The following C12orf75 variants were observed in gnomAD, a reference collection of about 807,000 sequenced individuals.
The protein encoded by C12orf75 is chromosome 12 open reading frame 75, also known as overexpressed in colon carcinoma 1 protein.
A neutral mutation model predicts 11.4 loss-of-function variants in C12orf75; 4 were observed. That is an observed-to-expected ratio of 0.35 (90% confidence interval 0.17 to 0.80). The LOEUF (loss-of-function observed/expected upper bound fraction) is 0.80, where lower values mean the gene tolerates loss of function less well. C12orf75 is among the 30% of genes least tolerant of loss of function. C12orf75 has a pLI of 0.52. For missense variants in C12orf75, 89 were observed against 80.4 expected, an observed-to-expected ratio of 1.11 and a Z score of -0.41; for synonymous variants, 30 against 30.0, an observed-to-expected ratio of 1.00 and a Z score of 0.00.
rs1014410379 is a variant in C12orf75, at chr12:105,348,406, CTG to C, written c.47-194_47-193del. The stretch of plus-strand genomic sequence containing the variant: ...CTCCAGCTTGGGCAACGAAGTGAGA[CTG>C]TATCTGAAACAAAAAAAAAAAAAAA... On this transcript the variant is annotated intron_variant, in intron 1 of 5. Transcript: ENST00000443585. Among the ~76,000 whole-genome samples, 7 of 127,634 alleles carry C rather than the reference CTG, an allele frequency of 5.5e-5. No individual in the cohort carries two copies. The East Asian group carries it at 9.0e-4, about 16-fold the overall frequency. 83.7% of individuals were successfully genotyped at this position (127,634 alleles called of 152,430 possible).
chr12:105,334,055 C>T (rs1252944208), intron 1 of C12orf75, among the ~76,000 whole-genome samples: 1 of 152,146 alleles, frequency 6.6e-6, no homozygotes, highest in Admixed American at 6.5e-5. Context: ...AAGTGGATTC[C>T]GTATGCCTGA....
At chr12:105,352,640 TGGA>T (rs939273053) in intron 2 of C12orf75, among the ~76,000 whole-genome samples, 3 of 152,122 alleles carry the variant, frequency 2.0e-5, no homozygotes, top group Non-Finnish European at 4.4e-5. Context: ...TTTTTTGGCA[TGGA>T]GGAGGCATGG....
At chr12:105,365,169 G>A (rs1871430071) in intron 2 of C12orf75, among the ~76,000 whole-genome samples, 1 of 152,052 alleles carries the variant, frequency 6.6e-6, no homozygotes, top group Non-Finnish European at 1.5e-5. Flanking sequence ...GAGAAGCTGT[G>A]CATTTTAAAG....
rs558465112 is a variant in C12orf75, at chr12:105,349,646, C to T, written c.71+1020C>T. 5.9e-5 allele frequency among the ~76,000 whole-genome samples: 9 copies of T among 152,194 alleles called. No homozygotes were observed. In the East Asian group the frequency reaches 1.2e-3, roughly 20 times the overall value. ...ATCCCAGCACTTTGGGAGGCTGAGG[C>T]GGGTGGATCACTTGAGGTCAGGAGT... On this transcript the variant is annotated intron_variant, in intron 2 of 5. Transcript: ENST00000443585.
Position 105,348,623 on chromosome 12 carries a change from A to G in C12orf75, c.68A>G (p.Asp23Gly). ...CTAGGCCCTGCAGGAGCAGCCAAAG[A>G]TGTGTAAGTATTGAATATTAATGAT... The part of the protein sequence containing the change: ...AGQGPAGAAK[D>G]VTEESVTEDD... The change falls in exon 2 of 6, where the codon GAT becomes GGT. Residue 23 changes from aspartate (D) to glycine (G), a missense_variant. Physicochemically the swap from Asp to Gly is moderately conservative, Grantham distance 94. Transcript: ENST00000443585. 2 of 1,536,704 alleles carry G rather than the reference A, an allele frequency of 1.3e-6. No individual in the cohort carries two copies. Among genetic ancestry groups the G allele is most frequent in the Non-Finnish European group, 1.8e-6 (2 of 1,137,568 alleles).
At chr12:105,370,087 ATTACT>A (rs1472492465) in intron 5 of C12orf75, among the ~76,000 whole-genome samples, 1 of 152,198 alleles carries the variant, frequency 6.6e-6, no homozygotes, top group Admixed American at 6.5e-5. Flanking sequence ...ATCCCTTAAA[ATTACT>A]TATGTCAGGA....
intron 1 of C12orf75, among the ~76,000 whole-genome samples, 171 bp from the exon 2 acceptor site, chr12:105,348,431 A>AG (rs1476427166): frequency 2.0e-5 from 3 of 152,082 alleles, no homozygotes; most frequent in African/African-American, 7.2e-5. Flanking sequence ...AAAAAAAAAA[A>AG]AAAAAAGATT....
chr12:105,361,385 C>G (rs1174057758), intron 2 of C12orf75, among the ~76,000 whole-genome samples: 2 of 152,142 alleles, frequency 1.3e-5, no homozygotes, highest in Admixed American at 1.3e-4. Flanking sequence ...TTATTCAACA[C>G]TTGAGAAATT....
At chr12:105,347,234 G>A (rs1272881554) in intron 1 of C12orf75, among the ~76,000 whole-genome samples, 1 of 152,252 alleles carries the variant, frequency 6.6e-6, no homozygotes, top group East Asian at 1.9e-4. Context: ...CATGGGTGGT[G>A]TATTAGGGTT....
In C12orf75 at chr12:105,352,691, A is replaced by G. The variant is rs1332519103; in HGVS notation, c.71+4065A>G. Among the ~76,000 whole-genome samples, 3 of 152,220 alleles carry G rather than the reference A, an allele frequency of 2.0e-5. No homozygotes were observed. The East Asian group carries it at 5.8e-4, about 29-fold the overall frequency. On this transcript the variant is annotated intron_variant, in intron 2 of 5. Coordinates refer to ENST00000443585, the MANE Select transcript of C12orf75 (RefSeq NM_001145199.2). Reference sequence around the variant, plus strand: ...GCTAAAAGACAGGAACCAGGCGAGTAAGAAAAGCTGATGGTGGTTTGGGGA... The same window carrying G: ...GCTAAAAGACAGGAACCAGGCGAGTGAGAAAAGCTGATGGTGGTTTGGGGA...
At chr12:105,368,541 C>A (rs762504346) in intron 5 of C12orf75, among the ~76,000 whole-genome samples, 1 of 152,212 alleles carries the variant, frequency 6.6e-6, no homozygotes, top group Non-Finnish European at 1.5e-5. Flanking sequence ...CTGCTATCAT[C>A]ATCGTCATCA....
chr12:105,363,103 T>C (rs1035518603), intron 2 of C12orf75, among the ~76,000 whole-genome samples: 2 of 152,156 alleles, frequency 1.3e-5, no homozygotes, highest in Non-Finnish European at 2.9e-5. Context: ...GAATGGAGCA[T>C]GGCTTTGGTG....
At chr12:105,339,799 G>A (rs1281727945) in intron 1 of C12orf75, among the ~76,000 whole-genome samples, 1 of 151,730 alleles carries the variant, frequency 6.6e-6, no homozygotes, top group African/African-American at 2.4e-5. Context: ...TGTATTTTTA[G>A]TAGAGACGGG....
chr12:105,358,986 C>T (rs926133439), intron 2 of C12orf75, among the ~76,000 whole-genome samples: 1 of 152,188 alleles, frequency 6.6e-6, no homozygotes, highest in Non-Finnish European at 1.5e-5. Context: ...TCCCCTTTCA[C>T]TTCTCTAATG....
chr12:105,345,833 AT>A (rs111617444), intron 1 of C12orf75, among the ~76,000 whole-genome samples: 14 of 144,278 alleles, frequency 9.7e-5, no homozygotes, highest in Non-Finnish European at 7.7e-5. Context: ...TAATTTTTGT[AT>A]TTTTTTTTTA....
In C12orf75 at chr12:105,330,992, A is replaced by C. The variant is rs567786723; in HGVS notation, c.46+55A>C. On this transcript the variant is annotated intron_variant, in intron 1 of 5. Transcript: ENST00000443585. ...GGGGCGGGCGGGAGAGGCGGCGGGAAGGAAGGGTGCAGGGATCTTGGGTGG... is the reference window on the plus strand; with the variant it reads ...GGGGCGGGCGGGAGAGGCGGCGGGACGGAAGGGTGCAGGGATCTTGGGTGG... 2,541 of 1,080,398 alleles carry C rather than the reference A, an allele frequency of 2.4e-3. 47 individuals are homozygous for C. The African/African-American group carries it at 0.037, about 16-fold the overall frequency. 66.9% of individuals were successfully genotyped at this position (1,080,398 alleles called of 1,614,324 possible).
intron 2 of C12orf75, among the ~76,000 whole-genome samples, chr12:105,365,112 C>A (rs898211082): frequency 6.6e-6 from 1 of 152,132 alleles, no homozygotes; most frequent in Admixed American, 6.6e-5. Context: ...GCTGGTATTA[C>A]AGGCATGAGC....
intron 2 of C12orf75, among the ~76,000 whole-genome samples, chr12:105,356,439 C>CTTTTTT (rs77310165): frequency 1.4e-4 from 15 of 106,312 alleles, no homozygotes; most frequent in Non-Finnish European, 2.1e-4. Context: ...AGACTACAGG[C>CTTTTTT]TTTTTTTTTT....
intron 5 of C12orf75, among the ~76,000 whole-genome samples, chr12:105,367,714 A>G (rs1216906162): frequency 6.6e-6 from 1 of 152,142 alleles, no homozygotes; most frequent in Non-Finnish European, 1.5e-5. Context: ...TTTTCATTTC[A>G]TTTTGTTAAA....
Sources: allele counts gnomAD v4.1 joint callset (sites outside exome capture counted in the v4.1 genomes callset), GRCh38; gene constraint gnomAD v4.1.1; transcripts MANE v1.5; gene names NCBI Gene and HGNC (gene_info 2026-07-23, HGNC 2026-07-21).